Variants in DNM2 observed in about 807,000 individuals in gnomAD.
DNM2 encodes the protein dynamin 2.
A neutral mutation model predicts 99.0 loss-of-function variants in DNM2; 15 were observed. That is an observed-to-expected ratio of 0.15 (90% CI 0.10 to 0.23). The LOEUF is 0.23. Ranked by LOEUF, DNM2 falls within the 10% of genes least tolerant of loss-of-function variation. DNM2 has a pLI of 1.00. For synonymous variants in DNM2, 525 were observed against 481.2 expected (o/e 1.09, Z -1.19); for missense variants, 742 against 1,189.4 (o/e 0.62, Z 5.53).
intron 2 of DNM2, among the ~76,000 whole-genome samples, chr19:10,770,906 T>C (rs1312460140): frequency 1.3e-5 from 2 of 152,120 alleles, no homozygotes; most frequent in Non-Finnish European, 1.5e-5. Flanking sequence ...AGCCAGACCA[T>C]ATCAGCCTCC....
At chr19:10,759,268 G>A (rs894037198) in intron 1 of DNM2, among the ~76,000 whole-genome samples, 4 of 152,072 alleles carry the variant, frequency 2.6e-5, no homozygotes, top group South Asian at 2.1e-4. Context: ...AGTCACCCCC[G>A]TTCCCACATC....
rs547280264 is a variant in DNM2 at position 10,764,111 on chromosome 19, A to C, written c.235+4300A>C. 6.6e-6 allele frequency among the ~76,000 whole-genome samples: 1 copy of C among 152,258 alleles called. No homozygotes were observed. The highest frequency in any genetic ancestry group is 2.1e-4 in the South Asian group (1 of 4,828). On this transcript the variant is annotated intron_variant, in intron 2 of 20. Transcript: ENST00000389253. The surrounding 1 kb of genome is among the most constrained non-coding windows in gnomAD (Gnocchi z 4.1). ...GCCGGCGGGGCCTTGTGGGGTATACACCAGACCACGTGGCTCCTAGGGATT... is the reference window on the plus strand; with the variant it reads ...GCCGGCGGGGCCTTGTGGGGTATACCCCAGACCACGTGGCTCCTAGGGATT...
chr19:10,761,112 C>T (rs1021948376), intron 2 of DNM2, among the ~76,000 whole-genome samples: 1 of 152,020 alleles, frequency 6.6e-6, no homozygotes, highest in African/African-American at 2.4e-5. Flanking sequence ...CCTCAGCCTC[C>T]TGAGTTGCTG....
chr19:10,773,740 T>G (rs1056004099), intron 3 of DNM2, among the ~76,000 whole-genome samples: 3 of 151,964 alleles, frequency 2.0e-5, no homozygotes, highest in Non-Finnish European at 4.4e-5. Flanking sequence ...AGTGCTAGGA[T>G]TACAGGCGTG....
At chr19:10,779,502 C>CTTTCTTTTTTTTTTTTTTTTTTTTTTTT (rs1290878626) in intron 5 of DNM2, among the ~76,000 whole-genome samples, 4 of 29,626 alleles carry the variant, frequency 1.4e-4, no homozygotes, top group Admixed American at 5.9e-4. Flanking sequence ...TTCTTTCTTT[C>CTTTCTTTTTTTTTTTTTTTTTTTTTTTT]TTTTTTTTTT....
chr19:10,829,636 C>T (rs928577717), intron 19 of DNM2, among the ~76,000 whole-genome samples: 8 of 152,274 alleles, frequency 5.3e-5, no homozygotes, highest in African/African-American at 1.9e-4. Context: ...GAGGGGCAAA[C>T]GCAAGGCGTG....
intron 5 of DNM2, among the ~76,000 whole-genome samples, chr19:10,781,017 TTAA>T (rs2071350948): frequency 1.9e-5 from 1 of 51,390 alleles, no homozygotes; most frequent in Non-Finnish European, 5.1e-5. Context: ...GACTCTGTCT[TTAA>T]AAAAAAAAAA....
intron 2 of DNM2, among the ~76,000 whole-genome samples, chr19:10,760,121 C>T (rs765534778): frequency 6.6e-6 from 1 of 152,036 alleles, no homozygotes; most frequent in Non-Finnish European, 1.5e-5. Flanking sequence ...GCAACCTCCA[C>T]CTCCCAGGTT....
intron 1 of DNM2, among the ~76,000 whole-genome samples, chr19:10,726,526 C>CT (rs887187661): frequency 7.2e-5 from 11 of 152,170 alleles, no homozygotes; most frequent in African/African-American, 2.7e-4. Context: ...GAAGTTGTTC[C>CT]TGGTTCCTTT....
intron 7 of DNM2, among the ~76,000 whole-genome samples, chr19:10,791,356 G>A (rs977738312): frequency 5.3e-5 from 8 of 152,068 alleles, no homozygotes; most frequent in Non-Finnish European, 1.0e-4. Context: ...CCGAAGTGAT[G>A]GGATTACAGG....
In DNM2 at chr19:10,764,688, G is replaced by A. The variant is rs569508247; in HGVS notation, c.235+4877G>A. On this transcript the variant is annotated intron_variant, in intron 2 of 20. Coordinates refer to ENST00000389253, the MANE Select transcript of DNM2 (RefSeq NM_001005361.3). The surrounding 1 kb of genome is among the most constrained non-coding windows in gnomAD (Gnocchi z 4.1). ...TTCCCATTGGCCTCAGAATCAAATC[G>A]AGCCTCCTTCTCAAGGCCTTGTGGC... Among the ~76,000 whole-genome samples the A allele has an allele frequency of 1.8e-4, 28 of 152,236 alleles. No homozygotes were observed. The highest frequency in any genetic ancestry group is 6.5e-4 in the African/African-American group (27 of 41,548).
rs996368683 is a variant in DNM2, at chr19:10,718,211, G to C, written c.-32G>C. On this transcript the variant is annotated 5_prime_UTR_variant, in exon 1 of 21. Transcript: ENST00000389253. ...TGAGGGTCGGCGGCGGGCGAGGAGC[G>C]CAGGGCGCTCGGGCCGGGGGCCGCC... 6.9e-7 allele frequency: 1 copy of C among 1,443,788 alleles called. No homozygotes were observed. The highest frequency in any genetic ancestry group is 1.5e-5 in the African/African-American group (1 of 67,480). The allele number at this position is 1,443,788 out of a possible 1,614,324, so 89.4% of individuals were successfully genotyped here.
intron 1 of DNM2, among the ~76,000 whole-genome samples, chr19:10,731,914 G>A (rs2069334128): frequency 6.6e-6 from 1 of 151,936 alleles, no homozygotes; most frequent in African/African-American, 2.4e-5. Flanking sequence ...CACCTGGAAT[G>A]TGCTCCCAGC....
At chr19:10,724,097 A>AG (rs2069030864) in intron 1 of DNM2, among the ~76,000 whole-genome samples, 1 of 112,014 alleles carries the variant, frequency 8.9e-6, no homozygotes, top group Non-Finnish European at 1.8e-5. Context: ...AAAAAAAAAA[A>AG]AGGCGATAAG....
At chr19:10,748,002 T>C (rs1426714858) in intron 1 of DNM2, among the ~76,000 whole-genome samples, 1 of 151,864 alleles carries the variant, frequency 6.6e-6, no homozygotes, top group African/African-American at 2.4e-5. Context: ...TTCGGGAACA[T>C]GGAGGAGGCA....
chr19:10,823,419 A>AAAT (rs907060995), intron 16 of DNM2: 17 of 151,676 alleles, frequency 1.1e-4, no homozygotes, highest in East Asian at 5.8e-4. Context: ...AAAAAAAAAT[A>AAAT]AATAATAATA....
intron 1 of DNM2, among the ~76,000 whole-genome samples, chr19:10,745,821 T>C (rs916844290): frequency 6.6e-6 from 1 of 152,128 alleles, no homozygotes; most frequent in Admixed American, 6.6e-5. Context: ...TCTGAGGAGG[T>C]GACATCTGAG....
intron 7 of DNM2, among the ~76,000 whole-genome samples, chr19:10,791,640 G>C (rs2071756952): frequency 6.6e-6 from 1 of 152,172 alleles, no homozygotes; most frequent in Non-Finnish European, 1.5e-5. Context: ...TGGTGCCCAG[G>C]TGTGCTTTGT....
chr19:10,756,224 C>T (rs998208410), intron 1 of DNM2, among the ~76,000 whole-genome samples: 4 of 152,094 alleles, frequency 2.6e-5, no homozygotes, highest in East Asian at 3.8e-4. Context: ...CAGTTCACTC[C>T]GCCTCCCAAT....
Sources: gnomAD v4.1 joint callset for allele counts (sites outside exome capture counted in the v4.1 genomes callset) on GRCh38, gnomAD v4.1.1 for gene constraint, Gnocchi (gnomAD v3.1) non-coding constraint, MANE v1.5 for transcripts, NCBI Gene and HGNC (gene_info 2026-07-23, HGNC 2026-07-21) for gene names.